Variants in NTRK3 observed in about 807,000 individuals in gnomAD.
The protein encoded by NTRK3 is NT-3 growth factor receptor.
Under a neutral mutation model 91.7 loss-of-function variants are expected in NTRK3, and 24 were observed. That is an observed-to-expected ratio of 0.26 (90% CI 0.19 to 0.37). The LOEUF (loss-of-function observed/expected upper bound fraction) is 0.37. Among genes scored for constraint, NTRK3 ranks in the 10% least tolerant of loss-of-function variants. The pLI is 1.00. For missense variants in NTRK3, 880 were observed against 1,068.9 expected, an observed-to-expected ratio of 0.82 and a Z score of 2.46; for synonymous variants, 483 against 404.0, an observed-to-expected ratio of 1.20 and a Z score of -2.34.
intron 13 of NTRK3, chr15:88,098,859 A>G: frequency 4.3e-6 from 1 of 232,834 alleles, no homozygotes; most frequent in East Asian, 6.0e-5. Context: ...TAATCAAGAG[A>G]GATAATACTG....
At chr15:88,033,169 G>A in intron 13 of NTRK3, 124 bp from the exon 14 acceptor site, 1 of 387,366 alleles carries the variant, frequency 2.6e-6, no homozygotes, top group Non-Finnish European at 4.5e-6. Context: ...TACTTTTGGG[G>A]GGTGTGTTAT....
At chr15:88,061,728 C>T (rs535864015) in intron 13 of NTRK3, among the ~76,000 whole-genome samples, 1 of 152,346 alleles carries the variant, frequency 6.6e-6, no homozygotes, top group East Asian at 1.9e-4. Context: ...GGTTCCAGGG[C>T]CCGGAGGCTC....
At chr15:88,192,022 T>C (rs2047442287) in intron 3 of NTRK3, among the ~76,000 whole-genome samples, 1 of 152,184 alleles carries the variant, frequency 6.6e-6, no homozygotes, top group African/African-American at 2.4e-5. Flanking sequence ...AGGACCACGG[T>C]GAACCAGCCC....
At chr15:88,060,089 G>A (rs373671958) in intron 13 of NTRK3, among the ~76,000 whole-genome samples, 91 of 152,286 alleles carry the variant, frequency 6.0e-4, no homozygotes, top group African/African-American at 1.9e-3. Context: ...CCTGGTTGCC[G>A]TGAAGGAGGG....
At chr15:88,060,306 C>G (rs1481823220) in intron 13 of NTRK3, among the ~76,000 whole-genome samples, 2 of 151,372 alleles carry the variant, frequency 1.3e-5, no homozygotes, top group Admixed American at 1.3e-4. Context: ...CTCGCTTAAA[C>G]CCAGGAGGTG....
At chr15:88,102,297 CATATTTTTGGT>C (rs2050255223) in intron 13 of NTRK3, among the ~76,000 whole-genome samples, 1 of 152,154 alleles carries the variant, frequency 6.6e-6, no homozygotes, top group South Asian at 2.1e-4. Context: ...TTGAATTAAG[CATATTTTTGGT>C]ATATTTAGTT....
chr15:88,147,540 T>C, intron 5 of NTRK3, 137 bp from the exon 6 acceptor site: 1 of 661,474 alleles, frequency 1.5e-6, no homozygotes, highest in Admixed American at 2.2e-5. Flanking sequence ...CTTCTTCTTC[T>C]TCTTCTTCTT....
chr15:88,027,265 C>T (rs553878370), intron 14 of NTRK3, among the ~76,000 whole-genome samples: 1 of 152,150 alleles, frequency 6.6e-6, no homozygotes, highest in Non-Finnish European at 1.5e-5. Context: ...GTAGCTCCCC[C>T]TCAGAGAGCT....
At chr15:88,178,329 A>G (rs973030736) in intron 5 of NTRK3, among the ~76,000 whole-genome samples, 1 of 152,234 alleles carries the variant, frequency 6.6e-6, no homozygotes, top group African/African-American at 2.4e-5. Context: ...TTTCACCTCA[A>G]TAATCTCAAG....
chr15:87,975,518 G>C (rs909315546), intron 14 of NTRK3, among the ~76,000 whole-genome samples: 1 of 152,188 alleles, frequency 6.6e-6, no homozygotes, highest in Non-Finnish European at 1.5e-5. Context: ...GGGAGCTGCA[G>C]GACTGGCTGG....
intron 13 of NTRK3, among the ~76,000 whole-genome samples, chr15:88,119,782 C>T (rs1364475620): frequency 1.3e-5 from 2 of 152,232 alleles, no homozygotes; most frequent in East Asian, 1.9e-4. Flanking sequence ...TTCCGCCTTG[C>T]ACTGCTCTTG....
chr15:88,072,900 C>G (rs1219844967), intron 13 of NTRK3: 1 of 231,314 alleles, frequency 4.3e-6, no homozygotes, highest in African/African-American at 2.2e-5. Flanking sequence ...CCAGTCAAGA[C>G]AGCTCACCTT....
chr15:88,127,249 A>C lies in NTRK3; in HGVS notation c.1229-23T>G, dbSNP rs368484962. On this transcript the variant is annotated intron_variant, in intron 11 of 18. Transcript: ENST00000394480. ...CAACTGAAAACCAAACACAAAAAGG[A>C]GGAGGACAGTTAGCTTCCCGGCTGG... is the stretch of plus-strand genomic sequence containing the variant. The C allele has an allele frequency of 6.2e-6, 10 of 1,609,708 alleles. No homozygotes were observed. In the African/African-American group the frequency reaches 1.3e-4, roughly 22 times the overall value.
intron 15 of NTRK3, among the ~76,000 whole-genome samples, chr15:87,934,725 A>G (rs1195651183): frequency 6.6e-6 from 1 of 152,158 alleles, no homozygotes; most frequent in East Asian, 1.9e-4. Context: ...GAGCCTGTCC[A>G]GGAATCAGCT....
intron 14 of NTRK3, among the ~76,000 whole-genome samples, chr15:88,026,249 C>A (rs145980631): frequency 3.3e-5 from 5 of 151,634 alleles, no homozygotes; most frequent in Admixed American, 1.3e-4. Context: ...CCAGCCTGGG[C>A]GACAGAGTGA....
At chr15:87,884,461 A>G (rs991337943) in intron 17 of NTRK3, among the ~76,000 whole-genome samples, 2 of 151,842 alleles carry the variant, frequency 1.3e-5, no homozygotes, top group East Asian at 1.9e-4. Context: ...AAACCATTCT[A>G]TGTGGTTTAA....
At chr15:88,170,760 T>C (rs989311498) in intron 5 of NTRK3, among the ~76,000 whole-genome samples, 3 of 152,166 alleles carry the variant, frequency 2.0e-5, no homozygotes, top group African/African-American at 7.2e-5. Context: ...GAGGATTCCC[T>C]GGCCCTCATC....
chr15:88,242,227 G>A (rs2081558), intron 3 of NTRK3, among the ~76,000 whole-genome samples: 124,016 of 152,122 alleles, frequency 0.82, 51,340 homozygotes, highest in East Asian at 0.97. Context: ...CAGAGTGACA[G>A]GGAAAGAAAT....
chr15:88,181,791 G>C (rs2046487452), intron 5 of NTRK3, among the ~76,000 whole-genome samples: 1 of 152,184 alleles, frequency 6.6e-6, no homozygotes, highest in African/African-American at 2.4e-5. Flanking sequence ...CCTCCACGTG[G>C]CATCACTCAG....
Sources: allele counts gnomAD v4.1 joint callset (sites outside exome capture counted in the v4.1 genomes callset), GRCh38; gene constraint gnomAD v4.1.1; transcripts MANE v1.5; gene names NCBI Gene and HGNC (gene_info 2026-07-23, HGNC 2026-07-21).